Variants in SLC6A5 observed in about 807,000 individuals in gnomAD.
SLC6A5 encodes the protein solute carrier family 6 member 5.
In SLC6A5, 58 loss-of-function variants were observed where a neutral mutation model predicts 90.5. The ratio of observed to expected loss-of-function variants is 0.64; its 90% CI spans 0.52 to 0.80. The LOEUF (loss-of-function observed/expected upper bound fraction) is 0.80, where lower values mean the gene tolerates loss of function less well. Among genes scored for constraint, SLC6A5 ranks in the 30% least tolerant of loss-of-function variants. SLC6A5 has a pLI of 0.00. For synonymous variants in SLC6A5, 427 were observed against 401.4 expected, an observed-to-expected ratio of 1.06 and a Z score of -0.76; for missense variants, 1,015 against 1,017.6, an observed-to-expected ratio of 1.00 and a Z score of 0.03.
chr11:20,650,912 C>A (rs974491373), intron 14 of SLC6A5, among the ~76,000 whole-genome samples: 1 of 151,496 alleles, frequency 6.6e-6, no homozygotes, highest in Admixed American at 6.6e-5. Flanking sequence ...GTGATCCGCC[C>A]GCCTCGGCCT....
Position 20,607,087 on chromosome 11 carries a change from T to C in SLC6A5, c.760T>C (p.Phe254Leu). 1 of 1,614,106 alleles carries C rather than the reference T, an allele frequency of 6.2e-7. No individual in the cohort carries two copies. Residue 254 changes from phenylalanine (F) to leucine (L), a missense_variant, in exon 4 of 16, where the codon TTT becomes CTT. Around this residue, in one of 3 missense-constraint regions of SLC6A5, gnomAD observed 567 missense variants for 507.3 expected, o/e 1.12. Coordinates refer to ENST00000525748, the MANE Select transcript of SLC6A5 (RefSeq NM_004211.5). ...IFFLEVSLGQFASQGPVSVWK... is the reference protein window; with the variant it reads ...IFFLEVSLGQLASQGPVSVWK... ...CTTCTTGGAGGTGTCGCTGGGCCAG[T>C]TTGCCAGCCAGGGACCAGTGTCTGT...
intron 15 of SLC6A5, among the ~76,000 whole-genome samples, chr11:20,652,865 A>G (rs1315098043): frequency 6.6e-6 from 1 of 152,108 alleles, no homozygotes; most frequent in Non-Finnish European, 1.5e-5. Context: ...ATCTATTACC[A>G]TTAAACTTAA....
intron 15 of SLC6A5, among the ~76,000 whole-genome samples, chr11:20,652,828 T>C (rs936154147): frequency 6.6e-6 from 1 of 152,196 alleles, no homozygotes; most frequent in African/African-American, 2.4e-5. Context: ...GATGCTCCTC[T>C]CTGTCTAAGC....
chr11:20,619,419 G>T (rs1370374258), intron 7 of SLC6A5, among the ~76,000 whole-genome samples: 1 of 152,188 alleles, frequency 6.6e-6, no homozygotes, highest in Non-Finnish European at 1.5e-5. Flanking sequence ...GTGGATTCTG[G>T]CAGGTTTGTC....
intron 13 of SLC6A5, among the ~76,000 whole-genome samples, chr11:20,645,662 A>G (rs1448880237): frequency 7.4e-6 from 1 of 135,482 alleles, no homozygotes; most frequent in Non-Finnish European, 1.5e-5. Flanking sequence ...TTTTTGAGAT[A>G]GAGTCTTGCT....
At chr11:20,643,152 G>A (rs1853345401) in intron 13 of SLC6A5, among the ~76,000 whole-genome samples, 1 of 151,956 alleles carries the variant, frequency 6.6e-6, no homozygotes, top group South Asian at 2.1e-4. Context: ...CCATCTCTTG[G>A]GGATGGTTTC....
chr11:20,622,264 C>G (rs1804821455), intron 7 of SLC6A5, among the ~76,000 whole-genome samples: 1 of 152,188 alleles, frequency 6.6e-6, no homozygotes. Context: ...AAACTGTTGG[C>G]CCTCTCAGTT....
Position 20,650,867 on chromosome 11 carries a change from C to T in SLC6A5, c.2071-1422C>T, listed in dbSNP as rs536796133. 2.6e-4 allele frequency among the ~76,000 whole-genome samples: 40 copies of T among 152,008 alleles called. No individual in the cohort carries two copies. In the South Asian group the frequency reaches 7.9e-3, roughly 30 times the overall value. ...ATTTTTAGTAGAGACGGGGTTTCAC[C>T]GTGTTAGCCAGGATGGTCTCGATCT... On this transcript the variant is annotated intron_variant, in intron 14 of 15. Transcript: ENST00000525748.
At chr11:20,647,047 C>G (rs1177838193) in intron 14 of SLC6A5, 113 bp downstream of exon 14, 1 of 802,184 alleles carries the variant, frequency 1.2e-6, no homozygotes, top group Admixed American at 1.9e-5. Context: ...AGCCTGGGAG[C>G]TGGTAGGTTG....
At chr11:20,606,522 A>G (rs1220045521) in intron 3 of SLC6A5, among the ~76,000 whole-genome samples, 1 of 152,094 alleles carries the variant, frequency 6.6e-6, no homozygotes, top group East Asian at 1.9e-4. Context: ...AGCCTGCCCA[A>G]CCCTGGTTGG....
At chr11:20,621,852 G>T (rs1244793556) in intron 7 of SLC6A5, among the ~76,000 whole-genome samples, 1 of 152,240 alleles carries the variant, frequency 6.6e-6, no homozygotes, top group Non-Finnish European at 1.5e-5. Context: ...ACTGTTGGAG[G>T]CTGTTTTCCA....
At chr11:20,637,067 C>A in intron 11 of SLC6A5, 105 bp from the exon 12 acceptor site, 1 of 1,268,808 alleles carries the variant, frequency 7.9e-7, no homozygotes, top group African/African-American at 1.5e-5. Flanking sequence ...AAAAACCAAA[C>A]CTAACACAAA....
At chr11:20,651,322 G>A (rs1853527690) in intron 14 of SLC6A5, among the ~76,000 whole-genome samples, 1 of 147,294 alleles carries the variant, frequency 6.8e-6, no homozygotes, top group African/African-American at 2.5e-5. Flanking sequence ...TGCCCAGGTT[G>A]GGGTACGGTG....
At chr11:20,641,299 A>G (rs10741850) in intron 13 of SLC6A5, among the ~76,000 whole-genome samples, 151,495 of 152,240 alleles carry the variant, frequency 1, 75,380 homozygotes, top group Middle Eastern at 1. Flanking sequence ...CAACCTCAAC[A>G]TGGAGTGGTC....
At chr11:20,600,399 GAAGAAGAAGAAGA>G in intron 1 of SLC6A5, among the ~76,000 whole-genome samples, 1 of 139,154 alleles carries the variant, frequency 7.2e-6, no homozygotes, top group Non-Finnish European at 1.6e-5. Context: ...AGAAGAAGAA[GAAGAAGAAGAAGA>G]CCTAAACAAA....
chr11:20,622,758 G>A (rs757279818), intron 7 of SLC6A5, among the ~76,000 whole-genome samples: 3 of 148,776 alleles, frequency 2.0e-5, no homozygotes, highest in African/African-American at 7.5e-5. Context: ...ATAAGCCACC[G>A]CTGTCTAGGT....
Position 20,652,279 on chromosome 11 carries a change from C to G in SLC6A5, c.2071-10C>G. 1 of 1,614,016 alleles carries G rather than the reference C, an allele frequency of 6.2e-7. No homozygotes were observed. The stretch of plus-strand genomic sequence containing the variant: ...CCACCCTAACACGTGTGTCACTTTT[C>G]TCTTTCCAGTTTATCCTTTGCTTCA... On this transcript the variant is annotated splice_polypyrimidine_tract_variant and intron_variant, in intron 14 of 15. Transcript: ENST00000525748.
In SLC6A5 at chr11:20,655,845, A is replaced by G. The variant is rs908673040; in HGVS notation, c.*977A>G. 6.6e-5 allele frequency: 10 copies of G among 152,230 alleles called. No individual in the cohort carries two copies. Among genetic ancestry groups the G allele is most frequent in the Non-Finnish European group, 1.2e-4 (8 of 68,046 alleles). The allele number at this position is 152,230 out of a possible 1,614,324, so 9.4% of individuals were successfully genotyped here. On this transcript the variant is annotated 3_prime_UTR_variant, in exon 16 of 16. Transcript: ENST00000525748. ...GGACACATGCTCTTAAAAGACAGATAACTTCTTAATTTTTACTCTTTTTCA... is the reference window on the plus strand; with the variant it reads ...GGACACATGCTCTTAAAAGACAGATGACTTCTTAATTTTTACTCTTTTTCA...
intron 13 of SLC6A5, among the ~76,000 whole-genome samples, chr11:20,642,196 G>A (rs569792936): frequency 1.4e-5 from 2 of 144,342 alleles, no homozygotes; most frequent in South Asian, 5.0e-4. Context: ...TCCTCTCTGA[G>A]CACAGAGATC....
Sources: gnomAD v4.1 joint callset for allele counts (sites outside exome capture counted in the v4.1 genomes callset) on GRCh38, gnomAD v4.1.1 for gene constraint, gnomAD v4.1.1 regional missense constraint, MANE v1.5 for transcripts, NCBI Gene and HGNC (gene_info 2026-07-23, HGNC 2026-07-21) for gene names.